Variants in LRRTM4 observed in about 807,000 individuals in gnomAD.
LRRTM4 encodes the protein leucine-rich repeat transmembrane neuronal protein 4.
In LRRTM4, 25 loss-of-function variants were observed where a neutral mutation model predicts 47.6. The ratio of observed to expected loss-of-function variants is 0.53; its 90% CI spans 0.38 to 0.73. LRRTM4 has a LOEUF of 0.73. Ranked by LOEUF, LRRTM4 falls within the 30% of genes least tolerant of loss-of-function variation. The probability of loss-of-function intolerance (pLI) is 0.00; values close to 1 mark genes in which losing one functional copy is unlikely to be tolerated. For synonymous variants in LRRTM4, 311 were observed against 269.5 expected (o/e 1.15, Z -1.51); for missense variants, 638 against 713.4 (o/e 0.89, Z 1.20).
chr2:77,001,013 C>T (rs4401235), intron 3 of LRRTM4, among the ~76,000 whole-genome samples: 21,318 of 152,068 alleles, frequency 0.14, 1,608 homozygotes, highest in Admixed American at 0.2. Context: ...ACAACAGAAC[C>T]TGACACACAA....
At chr2:77,135,135 A>G (rs534304739) in intron 3 of LRRTM4, among the ~76,000 whole-genome samples, 1 of 152,190 alleles carries the variant, frequency 6.6e-6, no homozygotes, top group Non-Finnish European at 1.5e-5. Context: ...AAAACCTGGG[A>G]TCAGATCAGC....
chr2:77,442,614 T>C (rs1374371160), intron 3 of LRRTM4, among the ~76,000 whole-genome samples: 2 of 152,180 alleles, frequency 1.3e-5, no homozygotes, highest in African/African-American at 4.8e-5. Flanking sequence ...TCTTAGTATG[T>C]GTTAAACTTT....
rs150441689 is a variant in LRRTM4, at chr2:77,480,785, AGTGTGTGT to A, written c.1551+37525_1551+37532del. Among the ~76,000 whole-genome samples, 98 of 102,274 alleles carry A rather than the reference AGTGTGTGT, an allele frequency of 9.6e-4. 3 individuals are homozygous for A. The East Asian group carries it at 0.021, about 21-fold the overall frequency. The allele number at this position is 102,274 out of a possible 152,430, so 67.1% of individuals were successfully genotyped here. On this transcript the variant is annotated intron_variant, in intron 3 of 3. Transcript: ENST00000409884. ...ACTTGCTATGTGTGGCTGTTTTAGG[AGTGTGTGT>A]GTGTGTGTGTGTGTGTGTGTGTGTG...
chr2:77,055,432 T>A (rs575395845), intron 3 of LRRTM4, among the ~76,000 whole-genome samples: 1 of 151,956 alleles, frequency 6.6e-6, no homozygotes, highest in African/African-American at 2.4e-5. Flanking sequence ...AAAAAACACA[T>A]GAAAAAATGC....
chr2:77,325,209 C>A (rs953621603), intron 3 of LRRTM4, among the ~76,000 whole-genome samples: 4 of 152,110 alleles, frequency 2.6e-5, no homozygotes, highest in African/African-American at 9.7e-5. Context: ...TTTTCTATAT[C>A]CAAATCCCTG....
At chr2:77,326,624 G>A (rs950845451) in intron 3 of LRRTM4, among the ~76,000 whole-genome samples, 12 of 151,972 alleles carry the variant, frequency 7.9e-5, no homozygotes, top group South Asian at 6.2e-4. Context: ...TTGAACTCCC[G>A]GCCTCAAGCA....
chr2:77,365,299 G>A (rs1308940113), intron 3 of LRRTM4, among the ~76,000 whole-genome samples: 1 of 151,950 alleles, frequency 6.6e-6, no homozygotes, highest in Non-Finnish European at 1.5e-5. Context: ...ACAAAGTTTA[G>A]CTCTATTTCC....
chr2:77,319,667 C>T (rs2104221948), intron 3 of LRRTM4, among the ~76,000 whole-genome samples: 1 of 152,298 alleles, frequency 6.6e-6, no homozygotes, highest in Non-Finnish European at 1.5e-5. Flanking sequence ...TACAGGCTTA[C>T]ACAATTTCTC....
chr2:76,908,388 A>C (rs1247335973), intron 3 of LRRTM4, among the ~76,000 whole-genome samples: 1 of 151,910 alleles, frequency 6.6e-6, no homozygotes, highest in Admixed American at 6.6e-5. Flanking sequence ...CCAATATCAT[A>C]CTGAATGGGC....
intron 3 of LRRTM4, among the ~76,000 whole-genome samples, chr2:77,313,825 C>A (rs1294848049): frequency 6.6e-6 from 1 of 152,098 alleles, no homozygotes; most frequent in Admixed American, 6.5e-5. Context: ...CAAAGACTAC[C>A]CATTGTCATT....
At chr2:77,435,224 G>A in intron 3 of LRRTM4, among the ~76,000 whole-genome samples, 1 of 152,006 alleles carries the variant, frequency 6.6e-6, no homozygotes. Context: ...AGTGGCCAAA[G>A]GACCTCTTTC....
At chr2:77,295,738 TTG>T (rs1362954016) in intron 3 of LRRTM4, among the ~76,000 whole-genome samples, 1 of 152,122 alleles carries the variant, frequency 6.6e-6, no homozygotes, top group African/African-American at 2.4e-5. Flanking sequence ...GACTTTCACG[TTG>T]TCTTTCTTCT....
At chr2:76,934,554 T>TA (rs1448920936) in intron 3 of LRRTM4, among the ~76,000 whole-genome samples, 4 of 152,262 alleles carry the variant, frequency 2.6e-5, no homozygotes, top group Admixed American at 2.6e-4. Context: ...CAAAAAAATT[T>TA]AAAAAGCCCT....
intron 3 of LRRTM4, among the ~76,000 whole-genome samples, chr2:77,076,750 C>T (rs925205416): frequency 3.9e-5 from 6 of 151,948 alleles, no homozygotes; most frequent in South Asian, 2.1e-4. Flanking sequence ...TTTTAAGTTG[C>T]GTGATTTTGA....
At chr2:77,177,755 C>A (rs1673239297) in intron 3 of LRRTM4, among the ~76,000 whole-genome samples, 1 of 152,194 alleles carries the variant, frequency 6.6e-6, no homozygotes, top group African/African-American at 2.4e-5. Flanking sequence ...GGACTTGATT[C>A]TTTTCAGCTA....
chr2:76,804,367 T>A (rs1020773798), intron 3 of LRRTM4, among the ~76,000 whole-genome samples: 1 of 152,054 alleles, frequency 6.6e-6, no homozygotes, highest in Admixed American at 6.6e-5. Flanking sequence ...GAAATTTTAT[T>A]TGAAAACATG....
intron 3 of LRRTM4, among the ~76,000 whole-genome samples, chr2:76,970,352 G>A (rs1676175185): frequency 6.6e-6 from 1 of 151,832 alleles, no homozygotes; most frequent in Admixed American, 6.6e-5. Context: ...TCTTCCCCTG[G>A]CATCCATGGC....
intron 3 of LRRTM4, chr2:77,517,440 C>G (rs1331357538): frequency 1.0e-6 from 1 of 984,912 alleles, no homozygotes; most frequent in Non-Finnish European, 1.2e-6. Context: ...GCAATACTGA[C>G]AAACAGTCCC....
At chr2:76,765,817 A>G (rs1573066195) in intron 3 of LRRTM4, among the ~76,000 whole-genome samples, 1 of 152,218 alleles carries the variant, frequency 6.6e-6, no homozygotes, top group East Asian at 1.9e-4. Flanking sequence ...CACCATCACC[A>G]TGGCCTGGTA....
Sources: allele counts gnomAD v4.1 joint callset (sites outside exome capture counted in the v4.1 genomes callset), GRCh38; gene constraint gnomAD v4.1.1; transcripts MANE v1.5; gene names NCBI Gene and HGNC (gene_info 2026-07-23, HGNC 2026-07-21).